Variants in KBTBD4 observed in about 807,000 individuals in gnomAD.
KBTBD4 encodes the protein kelch repeat and BTB domain-containing protein 4.
In KBTBD4, 30 loss-of-function variants were observed where a neutral mutation model predicts 43.9. The ratio of observed to expected loss-of-function variants is 0.68; its 90% CI spans 0.51 to 0.93. The LOEUF is 0.93. Among genes scored for constraint, KBTBD4 ranks in the 40% least tolerant of loss-of-function variants. The pLI is 0.00. For synonymous variants in KBTBD4, 258 were observed against 256.9 expected, an observed-to-expected ratio of 1.00 and a Z score of -0.04; for missense variants, 575 against 668.8, an observed-to-expected ratio of 0.86 and a Z score of 1.55.
intron 2 of KBTBD4, 137 bp downstream of exon 2, chr11:47,577,274 T>C: frequency 2.4e-6 from 2 of 847,082 alleles, no homozygotes; most frequent in Non-Finnish European, 3.6e-6. Context: ...TCTCAGCAGG[T>C]TATCTCAGTA....
rs1389952560 is a variant in KBTBD4, at chr11:47,577,920, G to C, written c.128C>G (p.Ser43Ter). The C allele has an allele frequency of 1.9e-6, 3 of 1,614,212 alleles. No individual in the cohort carries two copies. Among genetic ancestry groups the C allele is most frequent in the South Asian group, 1.1e-5 (1 of 91,084 alleles). ...VNYTFKDRSH[S>*]GRVAQGIMKL... The stretch of plus-strand genomic sequence containing the variant: ...CATGATGCCTTGAGCCACACGGCCT[G>C]AATGTGACCGATCTTTGAAAGTGTA... The change falls in exon 2 of 4, where the codon TCA becomes TGA. Residue 43 changes from serine (S) to a stop codon, truncating the protein, a stop_gained. Transcript: ENST00000430070. LOFTEE classifies it high-confidence loss of function.
Position 47,572,884 on chromosome 11 carries a change from T to TG in KBTBD4, c.*45dup. On this transcript the variant is annotated 3_prime_UTR_variant, in exon 4 of 4. Transcript: ENST00000430070. Reference sequence around the variant, plus strand: ...GGGCCCAGGGGACTTTGAGTTTGTATGGGGAGGGAAAAGGAGTGAGCAGTT... The same window carrying TG: ...GGGCCCAGGGGACTTTGAGTTTGTATGGGGGAGGGAAAAGGAGTGAGCAGTT... 1 of 1,570,608 alleles carries TG rather than the reference T, an allele frequency of 6.4e-7. No homozygotes were observed. Among genetic ancestry groups the TG allele is most frequent in the Non-Finnish European group, 8.6e-7 (1 of 1,157,134 alleles).
At chr11:47,578,767 A>G in intron 1 of KBTBD4, 166 bp downstream of exon 1, 1 of 1,506,308 alleles carries the variant, frequency 6.6e-7, no homozygotes, top group Non-Finnish European at 8.9e-7. Flanking sequence ...CTTGGCTCAG[A>G]GAGCGGGGGA....
chr11:47,576,731 C>CGGTG (rs2097260382), intron 2 of KBTBD4: 1 of 147,084 alleles, frequency 6.8e-6, no homozygotes, highest in African/African-American at 2.5e-5. Context: ...GGCTGGAGTG[C>CGGTG]GGTGGCGTGA....
rs1431031403 is a variant in KBTBD4, at chr11:47,577,811, G to A, written c.237C>T (p.Leu79=). The A allele has an allele frequency of 6.2e-7, 1 of 1,614,102 alleles. No homozygotes were observed. The highest frequency in any genetic ancestry group is 1.3e-5 in the African/African-American group (1 of 74,932). ...GREFQLHRLV[L]SAQSCFFRSM... ...ATCGGAAGAAGCAGCTCTGAGCTGA[G>A]AGGACCAGCCGATGGAGCTGAAACT... The change falls in exon 2 of 4, where the codon CTC becomes CTT. Residue 79 remains leucine (L), a synonymous_variant. Transcript: ENST00000430070.
intron 2 of KBTBD4, among the ~76,000 whole-genome samples, chr11:47,576,143 G>C (rs2097258942): frequency 6.9e-6 from 1 of 145,296 alleles, no homozygotes; most frequent in African/African-American, 2.6e-5. Flanking sequence ...GAGCCACCAT[G>C]CCTGGCGGGT....
Position 47,573,701 on chromosome 11 carries a change from A to G in KBTBD4, c.834T>C (p.Asp278=), listed in dbSNP as rs1177399388. The G allele has an allele frequency of 6.2e-7, 1 of 1,608,908 alleles. No individual in the cohort carries two copies. The highest frequency in any genetic ancestry group is 8.5e-7 in the Non-Finnish European group (1 of 1,180,006). ...TTTGGCCACTTACACTGATGGAGTC[A>G]TCTTCTGCACAGTGCAAGGACACAG... ...SLAVSLHCAE[D]DSISVSGQNS... is the part of the protein sequence containing the mutation. The change falls in exon 4 of 4, where the codon GAT becomes GAC. Residue 278 remains aspartate, a synonymous_variant. Transcript: ENST00000430070. The surrounding 1 kb of genome is among the most constrained non-coding windows in gnomAD (Gnocchi z 4.1).
Position 47,572,846 on chromosome 11 carries a change from T to C in KBTBD4, c.*84A>G. On this transcript the variant is annotated 3_prime_UTR_variant, in exon 4 of 4. Transcript: ENST00000430070. ...TTTCTAGTATGTGCCAAAAAAAACA[T>C]AACTCTGAATTGGGGCCCAGGGGAC... The C allele has an allele frequency of 6.9e-7, 1 of 1,445,868 alleles. No individual in the cohort carries two copies. Among genetic ancestry groups the C allele is most frequent in the Non-Finnish European group, 9.4e-7 (1 of 1,067,924 alleles). The allele number at this position is 1,445,868 out of a possible 1,614,324, so 89.6% of individuals were successfully genotyped here.
intron 2 of KBTBD4, among the ~76,000 whole-genome samples, chr11:47,577,074 T>G (rs1393083691): frequency 1.3e-5 from 2 of 152,178 alleles, no homozygotes; most frequent in African/African-American, 4.8e-5. Context: ...CTTAGATATC[T>G]TGCCCCATCA....
At chr11:47,578,553 C>T (rs1222358823) in intron 1 of KBTBD4, 1 of 697,924 alleles carries the variant, frequency 1.4e-6, no homozygotes, top group Non-Finnish European at 2.6e-6. Flanking sequence ...TTGCTCTCTT[C>T]TGAGCTGCTT....
In KBTBD4 at chr11:47,577,391, T is replaced by TA. The variant is rs879784283; in HGVS notation, c.637+19_637+20insT. 1 of 1,581,670 alleles carries TA rather than the reference T, an allele frequency of 6.3e-7. No individual in the cohort carries two copies. The highest frequency in any genetic ancestry group is 8.6e-7 in the Non-Finnish European group (1 of 1,158,056). ...CATAGCCAAGTAACTGGGTATGGTG[T>TA]GTCCCCTCCCTAAACTTACCCGAGA... On this transcript the variant is annotated intron_variant, in intron 2 of 3. Coordinates refer to ENST00000430070, the MANE Select transcript of KBTBD4 (RefSeq NM_018095.6).
chr11:47,575,603 G>A lies in KBTBD4; in HGVS notation c.734C>T (p.Thr245Ile), dbSNP rs750819001. The change falls in exon 3 of 4, where the codon ACA (threonine) becomes ATA (isoleucine). Residue 245 changes from threonine to isoleucine, a missense_variant. Coordinates refer to ENST00000430070, the MANE Select transcript of KBTBD4 (RefSeq NM_018095.6). ...EREAFAESLR[T>I]SLKEIGENVH... The stretch of plus-strand genomic sequence containing the variant: ...AGAGATTTGCCTTACCTTCAAGCTT[G>A]TCCTGAGTGACTCTGCAAAAGCCTC... 2 of 1,606,036 alleles carry A rather than the reference G, an allele frequency of 1.2e-6. No homozygotes were observed. The highest frequency in any genetic ancestry group is 2.2e-5 in the East Asian group (1 of 44,770).
intron 2 of KBTBD4, 150 bp downstream of exon 2, chr11:47,577,261 C>T: frequency 1.3e-6 from 1 of 799,038 alleles, no homozygotes; most frequent in Non-Finnish European, 1.9e-6. Flanking sequence ...TCACCTCAAT[C>T]TTTCTCAGCA....
Position 47,577,742 on chromosome 11 carries a change from A to C in KBTBD4, c.306T>G (p.Ile102Met), listed in dbSNP as rs2097262697. The change falls in exon 2 of 4, where the codon ATT (isoleucine) becomes ATG (methionine). Residue 102 changes from isoleucine (I) to methionine (M), a missense_variant. Physicochemically the swap from Ile to Met is conservative, Grantham distance 10 (BLOSUM62 1). Coordinates refer to ENST00000430070, the MANE Select transcript of KBTBD4 (RefSeq NM_018095.6). ...CAGACTCGCTGACATCCTGCAGCAC[A>C]ATCACCCGGTTGTGGGCCTCCTTCA... ...SNLKEAHNRV[I>M]VLQDVSESVF... The C allele has an allele frequency of 3.7e-6, 6 of 1,614,058 alleles. No individual in the cohort carries two copies. The highest frequency in any genetic ancestry group is 3.4e-6 in the Non-Finnish European group (4 of 1,180,042).
intron 2 of KBTBD4, among the ~76,000 whole-genome samples, chr11:47,577,144 A>G (rs1296172120): frequency 6.6e-6 from 1 of 152,224 alleles, no homozygotes; most frequent in African/African-American, 2.4e-5. Context: ...AAATTAGAGT[A>G]TAATACAAAT....
At position 47,575,687 on chromosome 11, in the gene KBTBD4, C is replaced by T. The variant is rs1598793012; in HGVS notation, c.650G>A (p.Cys217Tyr). The stretch of plus-strand genomic sequence containing the variant: ...TATTGCCTCTGTTGGGTTCTGAGAA[C>T]ACGGAACTCCATCTGTGAGAGCCAG... ...LTDIISDGVPCSQNPTEAIEA... is the reference protein window; with the variant it reads ...LTDIISDGVPYSQNPTEAIEA... The change falls in exon 3 of 4, where the codon TGT becomes TAT. Residue 217 changes from cysteine to tyrosine, a missense_variant. By Grantham distance (194) the Cys-to-Tyr change is radical. Coordinates refer to ENST00000430070, the MANE Select transcript of KBTBD4 (RefSeq NM_018095.6). 6.2e-7 allele frequency: 1 copy of T among 1,605,212 alleles called. No homozygotes were observed. The highest frequency in any genetic ancestry group is 2.2e-5 in the East Asian group (1 of 44,830).
chr11:47,575,561 T>C, intron 3 of KBTBD4, 32 bp downstream of exon 3: 1 of 1,340,072 alleles, frequency 7.5e-7, no homozygotes. Flanking sequence ...ATGGAGAGTA[T>C]GCAGTCTCAA....
Position 47,572,633 on chromosome 11 carries a change from G to A in KBTBD4, c.*297C>T, listed in dbSNP as rs2097251160. The A allele has an allele frequency of 2.4e-6, 1 of 417,548 alleles. No individual in the cohort carries two copies. Among genetic ancestry groups the A allele is most frequent in the African/African-American group, 2.0e-5 (1 of 50,516 alleles). The allele number at this position is 417,548 out of a possible 1,614,324, so 25.9% of individuals were successfully genotyped here. On this transcript the variant is annotated 3_prime_UTR_variant, in exon 4 of 4. Transcript: ENST00000430070. ...CATTTAACATTGATCAGGTAAAGAG[G>A]AGAGGCTGTGCCTAAGGTCTGAGAA...
chr11:47,575,606 C>G lies in KBTBD4; in HGVS notation c.731G>C (p.Arg244Thr). 6.2e-7 allele frequency: 1 copy of G among 1,609,228 alleles called. No individual in the cohort carries two copies. The highest frequency in any genetic ancestry group is 8.5e-7 in the Non-Finnish European group (1 of 1,175,776). Residue 244 changes from arginine to threonine, a missense_variant, in exon 3 of 4, where the codon AGG (arginine) becomes ACG (threonine). Transcript: ENST00000430070. Reference protein sequence around the residue: ...EEREAFAESLRTSLKEIGENV... With the variant: ...EEREAFAESLTTSLKEIGENV... ...GATTTGCCTTACCTTCAAGCTTGTC[C>G]TGAGTGACTCTGCAAAAGCCTCTCT...
Sources: gnomAD v4.1 joint callset for allele counts (sites outside exome capture counted in the v4.1 genomes callset) on GRCh38, gnomAD v4.1.1 for gene constraint, Gnocchi (gnomAD v3.1) non-coding constraint, MANE v1.5 for transcripts, NCBI Gene and HGNC (gene_info 2026-07-23, HGNC 2026-07-21) for gene names.